OR2L13: variants seen among roughly 807,000 people sequenced by gnomAD.
The protein encoded by OR2L13 is olfactory receptor family 2 subfamily L member 13.
A neutral mutation model predicts 15.3 loss-of-function variants in OR2L13; 14 were observed. That is an observed-to-expected ratio of 0.91 (90% CI 0.60 to 1.43). The LOEUF is 1.43. Among genes scored for constraint, OR2L13 ranks in the 40% most tolerant of loss-of-function variants. The pLI is 0.00. For missense variants in OR2L13, 367 were observed against 387.9 expected, an observed-to-expected ratio of 0.95 and a Z score of 0.45; for synonymous variants, 152 against 142.9, an observed-to-expected ratio of 1.06 and a Z score of -0.45.
the OR2L13 span, among the ~76,000 whole-genome samples, chr1:248,053,576 G>A: frequency 1.3e-5 from 2 of 152,210 alleles, no homozygotes; most frequent in Non-Finnish European, 2.9e-5. Context: ...CACCAACAGT[G>A]TGAAAGCATT....
the OR2L13 span, among the ~76,000 whole-genome samples, chr1:247,977,656 G>A: frequency 6.6e-6 from 1 of 152,130 alleles, no homozygotes; most frequent in Non-Finnish European, 1.5e-5. Context: ...GCCTACTTCC[G>A]TATGACTGCT....
At chr1:247,955,425 T>C in the OR2L13 span, among the ~76,000 whole-genome samples, 81 of 151,388 alleles carry the variant, frequency 5.4e-4, no homozygotes, top group African/African-American at 1.9e-3. Context: ...GCATGTGTCT[T>C]TATAGCAGCA....
chr1:248,079,826 A>T, the OR2L13 span, among the ~76,000 whole-genome samples: 38 of 152,240 alleles, frequency 2.5e-4, no homozygotes, highest in Non-Finnish European at 4.3e-4. Context: ...AAGATTTCTT[A>T]AAGAAGACCA....
chr1:248,063,793 CGTGTGT>C, the OR2L13 span, among the ~76,000 whole-genome samples: 17 of 146,566 alleles, frequency 1.2e-4, no homozygotes, highest in African/African-American at 2.1e-4. Flanking sequence ...AAGATGTGTG[CGTGTGT>C]GTGTGTGTGT....
the OR2L13 span, among the ~76,000 whole-genome samples, chr1:248,007,555 G>T: frequency 1.3e-5 from 2 of 152,206 alleles, no homozygotes; most frequent in Admixed American, 1.3e-4. Context: ...AATTTTGAAA[G>T]TTGGGCAATA....
the OR2L13 span, among the ~76,000 whole-genome samples, chr1:248,068,519 A>G: frequency 6.6e-6 from 1 of 152,186 alleles, no homozygotes; most frequent in Non-Finnish European, 1.5e-5. Flanking sequence ...ATCAAAGACA[A>G]AGATGGGGAA....
chr1:247,960,472 G>A, the OR2L13 span, among the ~76,000 whole-genome samples: 2 of 152,220 alleles, frequency 1.3e-5, no homozygotes, highest in African/African-American at 2.4e-5. Context: ...AAAGCTGTCA[G>A]ACAGGGACCT....
At chr1:248,010,855 G>A in the OR2L13 span, among the ~76,000 whole-genome samples, 1 of 128,078 alleles carries the variant, frequency 7.8e-6, no homozygotes, top group South Asian at 2.8e-4. Flanking sequence ...CTTTGCATGT[G>A]AGATGGGTCT....
At chr1:247,947,431 C>G in the OR2L13 span, among the ~76,000 whole-genome samples, 2 of 152,164 alleles carry the variant, frequency 1.3e-5, no homozygotes, top group Non-Finnish European at 2.9e-5. Context: ...CCTAAAAACT[C>G]TGGTTCTTTT....
At chr1:248,009,967 C>G in the OR2L13 span, among the ~76,000 whole-genome samples, 718 of 152,212 alleles carry the variant, frequency 4.7e-3, 5 homozygotes, top group African/African-American at 0.016. Flanking sequence ...ATTCAACACT[C>G]CTGCATGCTA....
At chr1:248,058,815 C>T in the OR2L13 span, among the ~76,000 whole-genome samples, 1 of 151,974 alleles carries the variant, frequency 6.6e-6, no homozygotes, top group Non-Finnish European at 1.5e-5. Context: ...TATTGTTCCT[C>T]CAATATGATT....
the OR2L13 span, among the ~76,000 whole-genome samples, chr1:247,973,030 T>C: frequency 2.0e-5 from 3 of 152,148 alleles, no homozygotes; most frequent in Non-Finnish European, 4.4e-5. Context: ...AAAAACCACA[T>C]GATTATCTTG....
upstream of OR2L13, among the ~76,000 whole-genome samples, chr1:248,092,032 A>G (rs1019818297): frequency 5.9e-5 from 9 of 151,924 alleles, no homozygotes; most frequent in African/African-American, 2.2e-4. Flanking sequence ...TATTCTTTTC[A>G]TGGCCATAGT....
chr1:247,967,028 T>C, the OR2L13 span, among the ~76,000 whole-genome samples: 2 of 74,744 alleles, frequency 2.7e-5, no homozygotes, highest in Admixed American at 1.5e-4. Context: ...CTTTTGTGCA[T>C]GCAAACACAC....
the OR2L13 span, among the ~76,000 whole-genome samples, chr1:247,977,250 T>A: frequency 1.3e-5 from 2 of 152,178 alleles, no homozygotes; most frequent in South Asian, 2.1e-4. Context: ...CATTTTCACA[T>A]AATAATTAGA....
chr1:247,960,084 G>T, the OR2L13 span, among the ~76,000 whole-genome samples: 1 of 152,044 alleles, frequency 6.6e-6, no homozygotes, highest in Non-Finnish European at 1.5e-5. Flanking sequence ...TCTACCTTTG[G>T]TCTTTGATGA....
chr1:248,015,573 A>G, the OR2L13 span, among the ~76,000 whole-genome samples: 1 of 152,170 alleles, frequency 6.6e-6, no homozygotes, highest in Non-Finnish European at 1.5e-5. Flanking sequence ...ATCTGTTAGT[A>G]AGAAAGATCA....
At chr1:247,986,451 G>C in the OR2L13 span, among the ~76,000 whole-genome samples, 2 of 152,118 alleles carry the variant, frequency 1.3e-5, no homozygotes, top group Non-Finnish European at 2.9e-5. Context: ...TGTGGGCTCT[G>C]TTCTGTTCCA....
the OR2L13 span, among the ~76,000 whole-genome samples, chr1:247,948,126 T>C: frequency 2.6e-5 from 4 of 151,982 alleles, no homozygotes; most frequent in Non-Finnish European, 5.9e-5. Context: ...GGCAGGAGGA[T>C]CACTTGAGCC....
Sources: allele counts gnomAD v4.1 joint callset (sites outside exome capture counted in the v4.1 genomes callset), GRCh38; gene constraint gnomAD v4.1.1; transcripts MANE v1.5; gene names NCBI Gene and HGNC (gene_info 2026-07-23, HGNC 2026-07-21).